Variants in P2RX6 observed in about 807,000 individuals in gnomAD.
P2RX6 encodes the protein P2X purinoceptor 6.
Under a neutral mutation model 54.2 loss-of-function variants are expected in P2RX6, and 62 were observed. The ratio of observed to expected loss-of-function variants is 1.14; its 90% CI spans 0.93 to 1.41. The LOEUF (loss-of-function observed/expected upper bound fraction) is 1.41, where lower values mean the gene tolerates loss of function less well. P2RX6 is among the 40% of genes most tolerant of loss of function. The probability of loss-of-function intolerance (pLI) is 0.00; values close to 1 mark genes in which losing one functional copy is unlikely to be tolerated. For missense variants in P2RX6, 541 were observed against 566.3 expected, an observed-to-expected ratio of 0.96 and a Z score of 0.45; for synonymous variants, 211 against 231.9, an observed-to-expected ratio of 0.91 and a Z score of 0.82.
At chr22:21,018,598 A>T (rs1926830277) in intron 3 of P2RX6, 1 of 160,544 alleles carries the variant, frequency 6.2e-6, no homozygotes, top group African/African-American at 2.4e-5. Flanking sequence ...AGGATTGCTT[A>T]TGATTTCTGG....
chr22:21,024,408 G>C (rs753531234), intron 8 of P2RX6, among the ~76,000 whole-genome samples: 15 of 151,960 alleles, frequency 9.9e-5, no homozygotes, highest in Non-Finnish European at 1.6e-4. Context: ...CTCCCAAGTA[G>C]CTGGGACTAC....
At chr22:21,025,720 G>A (rs1458784906) in intron 8 of P2RX6, 85 bp from the exon 9 acceptor site, 1 of 948,926 alleles carries the variant, frequency 1.1e-6, no homozygotes, top group East Asian at 2.6e-5. Flanking sequence ...AGAGTCAATT[G>A]ACAAGTTGGA....
In P2RX6 at chr22:21,025,704, GT is replaced by G. The variant is rs1032867914; in HGVS notation, c.891-98del. The G allele has an allele frequency of 9.8e-6, 8 of 819,096 alleles. No homozygotes were observed. In the African/African-American group the frequency reaches 1.0e-4, roughly 10 times the overall value. The allele number at this position is 819,096 out of a possible 1,614,324, so 50.7% of individuals were successfully genotyped here. A position where few individuals can be genotyped will look rare whatever the true frequency, so the allele number is the denominator to read the frequency against. ...CCCAGGACTCAGGCTTGGGCTGGGG[GT>G]TTATAGAGTCAATTGACAAGTTGGA... On this transcript the variant is annotated intron_variant, in intron 8 of 11. Coordinates refer to ENST00000413302, the MANE Select transcript of P2RX6 (RefSeq NM_005446.5).
Position 21,023,143 on chromosome 22 carries a change from A to G in P2RX6, c.583A>G (p.Asn195Asp), listed in dbSNP as rs775427885. 1 of 1,613,746 alleles carries G rather than the reference A, an allele frequency of 6.2e-7. No individual in the cohort carries two copies. Among genetic ancestry groups the G allele is most frequent in the South Asian group, 1.1e-5 (1 of 91,060 alleles). Residue 195 changes from asparagine to aspartate, a missense_variant, in exon 6 of 12, where the codon AAC becomes GAC. Asn to Asp is a conservative substitution (Grantham distance 23). Coordinates refer to ENST00000413302, the MANE Select transcript of P2RX6 (RefSeq NM_005446.5). The stretch of plus-strand genomic sequence containing the variant: ...GAGGCCCCTGCTGGCCCAGGCCCAG[A>G]ACTTCACACTGTTCATCAAAAACAC... The part of the protein sequence containing the change: ...PSRPLLAQAQ[N>D]FTLFIKNTVT...
Position 21,026,948 on chromosome 22 carries a change from C to T in P2RX6, c.*331C>T. The T allele has an allele frequency of 2.6e-6, 1 of 383,164 alleles. No homozygotes were observed. 23.7% of individuals were successfully genotyped at this position (383,164 alleles called of 1,614,324 possible). A position where few individuals can be genotyped will look rare whatever the true frequency, so the allele number is the denominator to read the frequency against. Reference sequence around the variant, plus strand: ...CTCCCAGTGCTCTGTCCCCAGTGTTCCTAGCAGAGGTATGCTTACCAGCTG... The same window carrying T: ...CTCCCAGTGCTCTGTCCCCAGTGTTTCTAGCAGAGGTATGCTTACCAGCTG... On this transcript the variant is annotated 3_prime_UTR_variant, in exon 12 of 12. Coordinates refer to ENST00000413302, the MANE Select transcript of P2RX6 (RefSeq NM_005446.5). The surrounding 1 kb of genome is among the most constrained non-coding windows in gnomAD (Gnocchi z 4.0).
chr22:21,015,802 G>A, intron 1 of P2RX6, 140 bp from the exon 2 acceptor site: 1 of 809,876 alleles, frequency 1.2e-6, no homozygotes. Context: ...TGGGAAGTGG[G>A]GCCAGAGAGG....
Position 21,023,550 on chromosome 22 carries a change from G to A in P2RX6, c.822G>A (p.Leu274=). ...TCAGAGTTCACTGGGATTGTGACCTGGACACCGGGGACTCTGGCTGCTGGC... is the reference window on the plus strand; with the variant it reads ...TCAGAGTTCACTGGGATTGTGACCTAGACACCGGGGACTCTGGCTGCTGGC... ...VGIRVHWDCD[L]DTGDSGCWPH... Residue 274 remains leucine (L), a synonymous_variant, in exon 8 of 12, where the codon CTG becomes CTA. Transcript: ENST00000413302. The A allele has an allele frequency of 6.2e-7, 1 of 1,613,696 alleles. No individual in the cohort carries two copies. The highest frequency in any genetic ancestry group is 8.5e-7 in the Non-Finnish European group (1 of 1,179,766).
chr22:21,026,619 C>T lies in P2RX6; in HGVS notation c.*2C>T, dbSNP rs201456165. ...CCAACCCATTCCGGGAGCCTGTAGC[C>T]GTTCCCTGCTGGTTGAGAGTTGGGG... On this transcript the variant is annotated 3_prime_UTR_variant, in exon 12 of 12. Transcript: ENST00000413302. This position sits in a 1 kb window ranked among gnomAD's most constrained non-coding sequence, Gnocchi z 4.0. 103 of 1,574,864 alleles carry T rather than the reference C, an allele frequency of 6.5e-5. No homozygotes were observed. Among genetic ancestry groups the T allele is most frequent in the Non-Finnish European group, 4.1e-5 (48 of 1,161,186 alleles).
At chr22:21,012,153 G>T (rs1925770816), upstream of P2RX6, among the ~76,000 whole-genome samples, 1 of 152,152 alleles carries the variant, frequency 6.6e-6, no homozygotes, top group South Asian at 2.1e-4. Context: ...CAGCTTCAAT[G>T]AACTCCCACC....
chr22:21,018,112 C>T lies in P2RX6; in HGVS notation c.387+52C>T. ...GGGTCCCTTGTTCCTCCATCAGCCC[C>T]AGGGGGCCACCCGTGTTTCCCTTTC... On this transcript the variant is annotated intron_variant, in intron 3 of 11. Transcript: ENST00000413302. The T allele has an allele frequency of 3.2e-6, 4 of 1,265,132 alleles. 1 individual carries two copies. The South Asian group carries it at 5.0e-5, about 16-fold the overall frequency. The allele number at this position is 1,265,132 out of a possible 1,614,324, so 78.4% of individuals were successfully genotyped here.
At position 21,017,995 on chromosome 22, in the gene P2RX6, A is replaced by G. The variant is rs2148020856; in HGVS notation, c.322A>G (p.Asn108Asp). The G allele has an allele frequency of 6.2e-7, 1 of 1,611,394 alleles. No individual in the cohort carries two copies. Among genetic ancestry groups the G allele is most frequent in the East Asian group, 2.2e-5 (1 of 44,858 alleles). The change falls in exon 3 of 12, where the codon AAC becomes GAC. Residue 108 changes from asparagine to aspartate, a missense_variant. Asn to Asp is a conservative substitution (Grantham distance 23, BLOSUM62 1). Around this residue, in one of 2 missense-constraint regions of P2RX6, gnomAD observed 526 missense variants for 531.5 expected, o/e 0.99. Coordinates refer to ENST00000413302, the MANE Select transcript of P2RX6 (RefSeq NM_005446.5). ...ADFVKPPQGE[N>D]VFFLVTNFLV... is the part of the protein sequence containing the mutation. ...CTTGAGACTTGCCTCCTAGGGAGAGAACGTGTTCTTCTTGGTGACCAACTT... is the reference window on the plus strand; with the variant it reads ...CTTGAGACTTGCCTCCTAGGGAGAGGACGTGTTCTTCTTGGTGACCAACTT...
At chr22:21,020,331 C>T (rs1927129714) in intron 3 of P2RX6, among the ~76,000 whole-genome samples, 1 of 152,152 alleles carries the variant, frequency 6.6e-6, no homozygotes, top group Non-Finnish European at 1.5e-5. Flanking sequence ...CAGAGTTCTG[C>T]CAGCTCCTCT....
At chr22:21,011,360 C>T, upstream of P2RX6, 1 of 609,538 alleles carries the variant, frequency 1.6e-6, no homozygotes, top group Non-Finnish European at 3.0e-6. Context: ...CTTTCATGGC[C>T]ATGGTGCCCT....
chr22:21,026,622 TC>T lies in P2RX6; in HGVS notation c.*8del. The T allele has an allele frequency of 6.4e-7, 1 of 1,573,408 alleles. No individual in the cohort carries two copies. On this transcript the variant is annotated 3_prime_UTR_variant, in exon 12 of 12. Coordinates refer to ENST00000413302, the MANE Select transcript of P2RX6 (RefSeq NM_005446.5). The surrounding 1 kb of genome is among the most constrained non-coding windows in gnomAD (Gnocchi z 4.0). ...ACCCATTCCGGGAGCCTGTAGCCGT[TC>T]CCTGCTGGTTGAGAGTTGGGGGCTG... is the stretch of plus-strand genomic sequence containing the variant.
upstream of P2RX6, among the ~76,000 whole-genome samples, chr22:21,014,825 C>T (rs778370699): frequency 6.6e-6 from 1 of 152,170 alleles, no homozygotes; most frequent in African/African-American, 2.4e-5. Flanking sequence ...GGAAGCTTTC[C>T]TCAACACCCT....
rs529966972 is a variant in P2RX6 at position 21,023,295 on chromosome 22, G to C, written c.659G>C (p.Trp220Ser). ...CCCAGGTCCAATGCCTTGGAGACCT[G>C]GGACCCCACCTATTTTAAGCACTGC... ...NFSKSNALET[W>S]DPTYFKHCRY... is the part of the protein sequence containing the mutation. The change falls in exon 7 of 12, where the codon TGG becomes TCG. Residue 220 changes from tryptophan to serine, a missense_variant. Transcript: ENST00000413302. 6 of 1,613,774 alleles carry C rather than the reference G, an allele frequency of 3.7e-6. No individual in the cohort carries two copies. In the Admixed American group the frequency reaches 8.3e-5, roughly 22 times the overall value.
intron 8 of P2RX6, among the ~76,000 whole-genome samples, chr22:21,024,944 G>A (rs979721820): frequency 2.1e-5 from 3 of 141,028 alleles, no homozygotes; most frequent in South Asian, 2.4e-4. Context: ...GCAGTGGCCC[G>A]ATCTCGGCTC....
intron 3 of P2RX6, chr22:21,018,755 G>A (rs1422449486): frequency 2.0e-5 from 3 of 151,524 alleles, no homozygotes; most frequent in African/African-American, 7.3e-5. Context: ...TGGTACTACA[G>A]GCGCCTGCCA....
At chr22:21,013,299 T>A (rs891308711), upstream of P2RX6, 1 of 153,386 alleles carries the variant, frequency 6.5e-6, no homozygotes, top group Non-Finnish European at 1.5e-5. Context: ...CACTGCTTCC[T>A]ATGCTCCTTA....
Sources: allele counts gnomAD v4.1 joint callset (sites outside exome capture counted in the v4.1 genomes callset), GRCh38; gene constraint gnomAD v4.1.1; regional missense constraint gnomAD v4.1.1; non-coding constraint Gnocchi (gnomAD v3.1); transcripts MANE v1.5; gene names NCBI Gene and HGNC (gene_info 2026-07-23, HGNC 2026-07-21).